Variants in CNTNAP5 observed in about 807,000 individuals in gnomAD.
CNTNAP5 encodes the protein contactin-associated protein-like 5.
A neutral mutation model predicts 150.2 loss-of-function variants in CNTNAP5; 72 were observed. That is an observed-to-expected ratio of 0.48 (90% CI 0.40 to 0.58). The LOEUF is 0.58. CNTNAP5 is among the 20% of genes least tolerant of loss of function. The probability of loss-of-function intolerance (pLI) is 0.00; values close to 1 mark genes in which losing one functional copy is unlikely to be tolerated. For synonymous variants in CNTNAP5, 672 were observed against 619.8 expected, an observed-to-expected ratio of 1.08 and a Z score of -1.25; for missense variants, 1,636 against 1,626.2, an observed-to-expected ratio of 1.01 and a Z score of -0.10.
intron 2 of CNTNAP5, among the ~76,000 whole-genome samples, chr2:124,241,971 A>G (rs1392625446): frequency 6.6e-6 from 1 of 152,162 alleles, no homozygotes; most frequent in East Asian, 1.9e-4. Flanking sequence ...GGATGGAAGC[A>G]TGGAAGATAC....
intron 7 of CNTNAP5, among the ~76,000 whole-genome samples, chr2:124,485,335 C>A (rs1023259595): frequency 6.6e-6 from 1 of 152,062 alleles, no homozygotes; most frequent in African/African-American, 2.4e-5. Flanking sequence ...AGTTACCGGC[C>A]GGGCACGGTG....
chr2:124,864,441 C>G (rs922690328), intron 19 of CNTNAP5, among the ~76,000 whole-genome samples: 4 of 151,916 alleles, frequency 2.6e-5, no homozygotes, highest in African/African-American at 9.7e-5. Context: ...TGCTATAGAA[C>G]ACTAGAACTT....
chr2:124,814,669 A>G (rs556664413), intron 19 of CNTNAP5, among the ~76,000 whole-genome samples: 64 of 152,318 alleles, frequency 4.2e-4, no homozygotes, highest in African/African-American at 1.4e-3. Context: ...TGTGCACTAA[A>G]GCACAGTGAA....
intron 1 of CNTNAP5, among the ~76,000 whole-genome samples, chr2:124,209,579 G>A (rs569733433): frequency 7.9e-5 from 12 of 151,974 alleles, no homozygotes; most frequent in Non-Finnish European, 1.5e-4. Context: ...TTTCTATTCC[G>A]ATTTCTTAGT....
intron 1 of CNTNAP5, among the ~76,000 whole-genome samples, chr2:124,196,319 A>G (rs931407665): frequency 6.6e-6 from 1 of 152,190 alleles, no homozygotes; most frequent in African/African-American, 2.4e-5. Context: ...CTTCACAGCT[A>G]CATGATGGAC....
At chr2:124,609,320 G>A (rs537648024) in intron 11 of CNTNAP5, among the ~76,000 whole-genome samples, 12 of 152,280 alleles carry the variant, frequency 7.9e-5, no homozygotes, top group South Asian at 6.2e-4. Context: ...TGGGCCTGGC[G>A]GATCATGCCT....
intron 19 of CNTNAP5, among the ~76,000 whole-genome samples, chr2:124,828,252 C>T (rs547570107): frequency 4.6e-5 from 7 of 152,106 alleles, no homozygotes; most frequent in Non-Finnish European, 7.3e-5. Flanking sequence ...GAGGCCGAGA[C>T]GGGCGGATCA....
intron 10 of CNTNAP5, among the ~76,000 whole-genome samples, chr2:124,541,829 C>G (rs933925121): frequency 6.6e-6 from 1 of 152,096 alleles, no homozygotes; most frequent in South Asian, 2.1e-4. Flanking sequence ...ACATTTTGCA[C>G]ACTTATATGA....
At chr2:124,895,639 A>G (rs1217155940) in intron 21 of CNTNAP5, among the ~76,000 whole-genome samples, 1 of 151,530 alleles carries the variant, frequency 6.6e-6, no homozygotes, top group Non-Finnish European at 1.5e-5. Context: ...AAATAGAGAA[A>G]TAGGTGGTTA....
At chr2:124,626,977 T>A (rs1415978633) in intron 12 of CNTNAP5, among the ~76,000 whole-genome samples, 4 of 152,186 alleles carry the variant, frequency 2.6e-5, no homozygotes, top group African/African-American at 9.7e-5. Context: ...AAAGGAGCTG[T>A]GGCAGATCAT....
rs3039130 is a variant in CNTNAP5, at chr2:124,510,348, AACACAC to A, written c.1327+5828_1327+5833del. 3.4e-3 allele frequency among the ~76,000 whole-genome samples: 231 copies of A among 68,278 alleles called. 2 individuals carry two copies. The highest frequency in any genetic ancestry group is 0.01 in the South Asian group (17 of 1,668). The allele number at this position is 68,278 out of a possible 152,430, so 44.8% of individuals were successfully genotyped here. A position where few individuals can be genotyped will look rare whatever the true frequency, so the allele number is the denominator to read the frequency against. ...ATCTATATATATATCTCCATATGTC[AACACAC>A]ACACACACACACACACACACACACA... On this transcript the variant is annotated intron_variant, in intron 8 of 23. Transcript: ENST00000682447.
chr2:124,056,701 A>G (rs1681856222), intron 1 of CNTNAP5, among the ~76,000 whole-genome samples: 1 of 152,264 alleles, frequency 6.6e-6, no homozygotes, highest in South Asian at 2.1e-4. Flanking sequence ...TACTCCTGCC[A>G]TGTGGTCATG....
intron 19 of CNTNAP5, among the ~76,000 whole-genome samples, chr2:124,812,068 T>G (rs868851046): frequency 2.9e-4 from 2 of 6,956 alleles, no homozygotes; most frequent in African/African-American, 6.0e-4. Flanking sequence ...ATATAATATA[T>G]AATTTATATT....
chr2:124,873,944 A>G (rs1220173107), intron 21 of CNTNAP5, among the ~76,000 whole-genome samples: 2 of 152,078 alleles, frequency 1.3e-5, no homozygotes, highest in East Asian at 3.9e-4. Flanking sequence ...GAAAGGAAAA[A>G]TTCCTTACTA....
At chr2:124,670,238 T>C (rs1280717582) in intron 13 of CNTNAP5, among the ~76,000 whole-genome samples, 1 of 139,714 alleles carries the variant, frequency 7.2e-6, no homozygotes, top group Admixed American at 7.0e-5. Context: ...TCTTTCTTTC[T>C]TTTCTTTCTT....
chr2:124,661,784 G>GACT (rs1347504309), intron 13 of CNTNAP5, among the ~76,000 whole-genome samples: 1 of 151,984 alleles, frequency 6.6e-6, no homozygotes, highest in Non-Finnish European at 1.5e-5. Flanking sequence ...ACTTGAAAAG[G>GACT]ACTACTACAT....
intron 19 of CNTNAP5, among the ~76,000 whole-genome samples, chr2:124,818,256 C>A (rs1307646916): frequency 3.9e-5 from 6 of 152,142 alleles, no homozygotes; most frequent in African/African-American, 1.4e-4. Context: ...ACTGAGCAAC[C>A]ATGATCCCTG....
At chr2:124,528,890 G>A (rs1421247165) in intron 10 of CNTNAP5, among the ~76,000 whole-genome samples, 3 of 152,274 alleles carry the variant, frequency 2.0e-5, no homozygotes, top group South Asian at 4.2e-4. Context: ...ATGAGTAGTA[G>A]CAGGTGCCTC....
chr2:124,639,080 C>T (rs574500260), intron 12 of CNTNAP5, among the ~76,000 whole-genome samples: 1 of 152,300 alleles, frequency 6.6e-6, no homozygotes, highest in African/African-American at 2.4e-5. Flanking sequence ...GATAAAAATT[C>T]TGGTAGTCCG....
Sources: allele counts gnomAD v4.1 joint callset (sites outside exome capture counted in the v4.1 genomes callset), GRCh38; gene constraint gnomAD v4.1.1; transcripts MANE v1.5; gene names NCBI Gene and HGNC (gene_info 2026-07-23, HGNC 2026-07-21).